ALDH16A1: variants seen among roughly 807,000 people sequenced by gnomAD.
The protein encoded by ALDH16A1 is aldehyde dehydrogenase family 16 member A1.
Under a neutral mutation model 96.1 loss-of-function variants are expected in ALDH16A1, and 88 were observed. That is an observed-to-expected ratio of 0.92 (90% confidence interval 0.77 to 1.09). The LOEUF is 1.09. Ranked by LOEUF, ALDH16A1 falls within the 50% of genes least tolerant of loss-of-function variation. ALDH16A1 has a pLI of 0.00. For missense variants in ALDH16A1, 1,250 were observed against 1,112.6 expected (o/e 1.12, Z -1.76); for synonymous variants, 522 against 496.4 (o/e 1.05, Z -0.69).
Position 49,459,885 on chromosome 19 carries a change from T to C in ALDH16A1, c.499+37T>C, listed in dbSNP as rs893516583. 4 of 1,591,820 alleles carry C rather than the reference T, an allele frequency of 2.5e-6. No individual in the cohort carries two copies. Among genetic ancestry groups the C allele is most frequent in the Non-Finnish European group, 3.4e-6 (4 of 1,171,308 alleles). On this transcript the variant is annotated intron_variant, in intron 4 of 16. Transcript: ENST00000293350. This position sits in a 1 kb window ranked among gnomAD's most constrained non-coding sequence, Gnocchi z 4.1. ...GAGTCCCTAGCCCTATCCTCCCACATGACTCAGCAGTGCTAGCTCCAGTCC... is the reference window on the plus strand; with the variant it reads ...GAGTCCCTAGCCCTATCCTCCCACACGACTCAGCAGTGCTAGCTCCAGTCC...
In ALDH16A1 at chr19:49,462,885, A is replaced by T. The variant is rs1429636045; in HGVS notation, c.1098+130A>T. The stretch of plus-strand genomic sequence containing the variant: ...GAGGAAGGAGGGGCTGGGAGCCTGG[A>T]CTCCTGGGTCTGAAGGAGGAGGGGC... On this transcript the variant is annotated intron_variant, in intron 8 of 16. Coordinates refer to ENST00000293350, the MANE Select transcript of ALDH16A1 (RefSeq NM_153329.4). 6.4e-6 allele frequency: 4 copies of T among 621,318 alleles called. No homozygotes were observed. The East Asian group carries it at 1.3e-4, about 20-fold the overall frequency. The allele number at this position is 621,318 out of a possible 1,614,324, so 38.5% of individuals were successfully genotyped here.
In ALDH16A1 at chr19:49,461,548, A is replaced by G. The variant is rs139441685; in HGVS notation, c.578-71A>G. ...CTGAGGGAGGAGGGGCTGGGGGTCC[A>G]GATTCCTGGGTCTGAGGGAGGAGGG... On this transcript the variant is annotated intron_variant, in intron 5 of 16. Transcript: ENST00000293350. 4.3e-3 allele frequency: 426 copies of G among 98,874 alleles called. 65 individuals carry two copies. The African/African-American group carries it at 0.067, about 16-fold the overall frequency. The allele number at this position is 98,874 out of a possible 1,614,324, so 6.1% of individuals were successfully genotyped here. A position where few individuals can be genotyped will look rare whatever the true frequency, so the allele number is the denominator to read the frequency against.
At chr19:49,465,098 C>A (rs1436691617) in intron 12 of ALDH16A1, among the ~76,000 whole-genome samples, 2 of 148,828 alleles carry the variant, frequency 1.3e-5, no homozygotes, top group Non-Finnish European at 3.0e-5. Flanking sequence ...AACTTGGGGT[C>A]CTCCAGAGGC....
intron 5 of ALDH16A1, among the ~76,000 whole-genome samples, chr19:49,461,306 TCTGAGGGAGGAGGGGCTGGGAC>T (rs2079141762): frequency 1.4e-5 from 2 of 138,548 alleles, no homozygotes; most frequent in Admixed American, 7.4e-5. Flanking sequence ...GACTCCTGGG[TCTGAGGGAGGAGGGGCTGGGAC>T]CTGGACTCCT....
In ALDH16A1 at chr19:49,470,432, C is replaced by G. The variant is rs371721859; in HGVS notation, c.2374C>G (p.Arg792Gly). The G allele has an allele frequency of 1.2e-5, 19 of 1,603,788 alleles. No individual in the cohort carries two copies. The highest frequency in any genetic ancestry group is 1.7e-5 in the Admixed American group (1 of 57,692). Residue 792 changes from arginine (R) to glycine (G), a missense_variant, in exon 17 of 17, where the codon CGG becomes GGG. Coordinates refer to ENST00000293350, the MANE Select transcript of ALDH16A1 (RefSeq NM_153329.4). The stretch of plus-strand genomic sequence containing the variant: ...CCCAGAGCTGGGGCTGCGAGTGGCG[C>G]GGACCAAGGCCCTGTGGCTGCCTAT... ...AGPELGLRVA[R>G]TKALWLPMGD
At chr19:49,465,529 C>T (rs1249926692) in intron 12 of ALDH16A1, among the ~76,000 whole-genome samples, 1 of 148,608 alleles carries the variant, frequency 6.7e-6, no homozygotes, top group Non-Finnish European at 1.5e-5. Context: ...GTTTAAGGTC[C>T]CCCAGAGGCT....
chr19:49,468,745 C>T lies in ALDH16A1; in HGVS notation c.2125-119C>T, dbSNP rs2079220815. The T allele has an allele frequency of 1.4e-6, 2 of 1,396,808 alleles. No homozygotes were observed. Among genetic ancestry groups the T allele is most frequent in the Admixed American group, 3.8e-5 (2 of 52,032 alleles). The allele number at this position is 1,396,808 out of a possible 1,614,324, so 86.5% of individuals were successfully genotyped here. On this transcript the variant is annotated intron_variant, in intron 15 of 16. Coordinates refer to ENST00000293350, the MANE Select transcript of ALDH16A1 (RefSeq NM_153329.4). The surrounding 1 kb of genome is among the most constrained non-coding windows in gnomAD (Gnocchi z 4.4). ...CCCAGTGCCCATTCTTCACCCTAGG[C>T]CTGGGGCTTTCTCCTCCATGACCCC...
In ALDH16A1 at chr19:49,469,468, T is replaced by C. The variant is rs529314601; in HGVS notation, c.2247+482T>C. The C allele has an allele frequency of 7.9e-5, 12 of 152,592 alleles. 1 individual carries two copies. The South Asian group carries it at 1.8e-3, about 23-fold the overall frequency. 9.5% of individuals were successfully genotyped at this position (152,592 alleles called of 1,614,324 possible). A position where few individuals can be genotyped will look rare whatever the true frequency, so the allele number is the denominator to read the frequency against. ...TTCTCTATGTTGGCCAGGCTGATCT[T>C]GAACTCCTGGGCTCAAGTGATCTGC... is the stretch of plus-strand genomic sequence containing the variant. On this transcript the variant is annotated intron_variant, in intron 16 of 16. Coordinates refer to ENST00000293350, the MANE Select transcript of ALDH16A1 (RefSeq NM_153329.4).
rs769893967 is a variant in ALDH16A1, at chr19:49,462,747, G to T, written c.1090G>T (p.Gly364Cys). The T allele has an allele frequency of 6.3e-7, 1 of 1,583,408 alleles. No individual in the cohort carries two copies. The highest frequency in any genetic ancestry group is 8.6e-7 in the Non-Finnish European group (1 of 1,166,286). ...QRFVREAQSQ[G>C]AQVFQAGDVP... Reference sequence around the variant, plus strand: ...CTTTGTGCGTGAGGCCCAGAGCCAGGGTGCACAGGTGAGGCAGGGGGTAGA... The same window carrying T: ...CTTTGTGCGTGAGGCCCAGAGCCAGTGTGCACAGGTGAGGCAGGGGGTAGA... The change falls in exon 8 of 17, where the codon GGT (glycine) becomes TGT (cysteine). Residue 364 changes from glycine (G) to cysteine (C), a missense_variant. Coordinates refer to ENST00000293350, the MANE Select transcript of ALDH16A1 (RefSeq NM_153329.4).
chr19:49,458,033 G>C (rs942923692), intron 1 of ALDH16A1, among the ~76,000 whole-genome samples: 1 of 152,062 alleles, frequency 6.6e-6, no homozygotes, highest in Non-Finnish European at 1.5e-5. Flanking sequence ...GACCAACATG[G>C]TGAAACCCCG....
Position 49,468,054 on chromosome 19 carries a change from G to A in ALDH16A1, c.1939-327G>A, listed in dbSNP as rs2079213548. On this transcript the variant is annotated intron_variant, in intron 14 of 16. Transcript: ENST00000293350. This position sits in a 1 kb window ranked among gnomAD's most constrained non-coding sequence, Gnocchi z 4.4. ...AGGTGCCTGTAGTCTCAGCTACTCA[G>A]GAGACTGAGGCAGGAGAATGGCGTG... Among the ~76,000 whole-genome samples, 1 of 151,564 alleles carries A rather than the reference G, an allele frequency of 6.6e-6. No homozygotes were observed. The highest frequency in any genetic ancestry group is 1.5e-5 in the Non-Finnish European group (1 of 67,920).
At position 49,468,349 on chromosome 19, in the gene ALDH16A1, CT is replaced by C; in HGVS notation, c.1939-31del. On this transcript the variant is annotated intron_variant, in intron 14 of 16. Transcript: ENST00000293350. This position sits in a 1 kb window ranked among gnomAD's most constrained non-coding sequence, Gnocchi z 4.4. ...CTCATTTACTGCGGGCGGGGCTCCC[CT>C]GCCCCACACGTGACCCACCTGTCCC... 6.3e-7 allele frequency: 1 copy of C among 1,589,476 alleles called. No homozygotes were observed. Among genetic ancestry groups the C allele is most frequent in the Non-Finnish European group, 8.5e-7 (1 of 1,174,832 alleles).
In ALDH16A1 at chr19:49,464,346, C is replaced by T. The variant is rs558103745; in HGVS notation, c.1332-71C>T. The stretch of plus-strand genomic sequence containing the variant: ...CTTCTCCCTGGGTCGCTCCCCGCGC[C>T]TTTAACTCACCCCTCTCCCGGCCTG... On this transcript the variant is annotated intron_variant, in intron 10 of 16. Transcript: ENST00000293350. The T allele has an allele frequency of 2.5e-6, 4 of 1,569,316 alleles. No individual in the cohort carries two copies. In the Admixed American group the frequency reaches 7.3e-5, roughly 29 times the overall value.
rs995760520 is a variant in ALDH16A1, at chr19:49,459,374, G to A, written c.320+288G>A. 9.2e-5 allele frequency among the ~76,000 whole-genome samples: 14 copies of A among 152,320 alleles called. No homozygotes were observed. Among genetic ancestry groups the A allele is most frequent in the Non-Finnish European group, 1.0e-4 (7 of 68,026 alleles). On this transcript the variant is annotated intron_variant, in intron 3 of 16. Coordinates refer to ENST00000293350, the MANE Select transcript of ALDH16A1 (RefSeq NM_153329.4). This position sits in a 1 kb window ranked among gnomAD's most constrained non-coding sequence, Gnocchi z 4.1. ...CTAAATCCATTTCCTAGCCGCTTGCGGGGAAGCTAGAGACAAAAATTCCAT... is the reference window on the plus strand; with the variant it reads ...CTAAATCCATTTCCTAGCCGCTTGCAGGGAAGCTAGAGACAAAAATTCCAT...
intron 5 of ALDH16A1, among the ~76,000 whole-genome samples, chr19:49,461,143 T>TGGAGTCTGGACTCCTGGGTCTGAG (rs2079139068): frequency 7.0e-6 from 1 of 143,132 alleles, no homozygotes; most frequent in Non-Finnish European, 1.5e-5. Context: ...GAGGAGGGGC[T>TGGAGTCTGGACTCCTGGGTCTGAG]GGAGTCTGGA....
chr19:49,454,552 G>T (rs1050539043), intron 1 of ALDH16A1, among the ~76,000 whole-genome samples: 2 of 152,104 alleles, frequency 1.3e-5, no homozygotes, highest in East Asian at 1.9e-4. Context: ...AATGAGTAGG[G>T]CACCTCAAAC....
In ALDH16A1 at chr19:49,468,730, A is replaced by T; in HGVS notation, c.2125-134A>T. The stretch of plus-strand genomic sequence containing the variant: ...TTCACTCCTTGGGGACCCAGTGCCC[A>T]TTCTTCACCCTAGGCCTGGGGCTTT... On this transcript the variant is annotated intron_variant, in intron 15 of 16. Coordinates refer to ENST00000293350, the MANE Select transcript of ALDH16A1 (RefSeq NM_153329.4). The surrounding 1 kb of genome is among the most constrained non-coding windows in gnomAD (Gnocchi z 4.4). The T allele has an allele frequency of 7.3e-7, 1 of 1,364,868 alleles. No individual in the cohort carries two copies. Among genetic ancestry groups the T allele is most frequent in the Non-Finnish European group, 1.0e-6 (1 of 1,000,842 alleles). The allele number at this position is 1,364,868 out of a possible 1,614,324, so 84.5% of individuals were successfully genotyped here.
At position 49,459,939 on chromosome 19, in the gene ALDH16A1, T is replaced by A. The variant is rs987380194; in HGVS notation, c.499+91T>A. ...CATTCTTTTTCTTTTAGACAGAGTT[T>A]CGCTCTTGTCGCCCAGGCCGGAGTG... On this transcript the variant is annotated intron_variant, in intron 4 of 16. Coordinates refer to ENST00000293350, the MANE Select transcript of ALDH16A1 (RefSeq NM_153329.4). The surrounding 1 kb of genome is among the most constrained non-coding windows in gnomAD (Gnocchi z 4.1). 8.4e-6 allele frequency: 12 copies of A among 1,430,530 alleles called. No individual in the cohort carries two copies. Among genetic ancestry groups the A allele is most frequent in the Non-Finnish European group, 1.0e-5 (11 of 1,073,890 alleles). The allele number at this position is 1,430,530 out of a possible 1,614,324, so 88.6% of individuals were successfully genotyped here.
chr19:49,461,728 C>T lies in ALDH16A1; in HGVS notation c.687C>T (p.Gly229=). The change falls in exon 6 of 17, where the codon GGC becomes GGT. Residue 229 remains glycine (G), a synonymous_variant. Coordinates refer to ENST00000293350, the MANE Select transcript of ALDH16A1 (RefSeq NM_153329.4). ...PFPGILNVLS[G]PASLVPILAS... Reference sequence around the variant, plus strand: ...CGGGAATCCTGAATGTCCTCAGTGGCCCTGCGTCCCTGGTGCCCATCCTGG... The same window carrying T: ...CGGGAATCCTGAATGTCCTCAGTGGTCCTGCGTCCCTGGTGCCCATCCTGG... The T allele has an allele frequency of 2.5e-6, 4 of 1,609,852 alleles. No homozygotes were observed. The highest frequency in any genetic ancestry group is 2.5e-6 in the Non-Finnish European group (3 of 1,178,206).
Sources: allele counts gnomAD v4.1 joint callset (sites outside exome capture counted in the v4.1 genomes callset), GRCh38; gene constraint gnomAD v4.1.1; non-coding constraint Gnocchi (gnomAD v3.1); transcripts MANE v1.5; gene names NCBI Gene and HGNC (gene_info 2026-07-23, HGNC 2026-07-21).